The following TBXAS1 variants were observed in gnomAD, a reference collection of about 807,000 sequenced individuals.
The protein encoded by TBXAS1 is thromboxane-A synthase.
TBXAS1 carries 48 observed loss-of-function variants against 60.7 expected under a neutral mutation model. That is an observed-to-expected ratio of 0.79 (90% CI 0.63 to 1.01). The LOEUF (loss-of-function observed/expected upper bound fraction) is 1.01, where lower values mean the gene tolerates loss of function less well. Among genes scored for constraint, TBXAS1 ranks in the 50% least tolerant of loss-of-function variants. TBXAS1 has a pLI of 0.00. For synonymous variants in TBXAS1, 287 were observed against 269.7 expected (o/e 1.06, Z -0.63); for missense variants, 685 against 686.3 (o/e 1.00, Z 0.02).
At chr7:139,839,984 C>CAA (rs563726492) in intron 1 of TBXAS1, among the ~76,000 whole-genome samples, 10,940 of 109,016 alleles carry the variant, frequency 0.1, 601 homozygotes, top group Non-Finnish European at 0.13. Flanking sequence ...AACTCTGTCT[C>CAA]AAAAAAAAAA....
chr7:139,827,512 C>T (rs918549967), upstream of TBXAS1, among the ~76,000 whole-genome samples: 1 of 149,984 alleles, frequency 6.7e-6, no homozygotes, highest in Non-Finnish European at 1.5e-5. Context: ...CTCTTTGTTG[C>T]CTGTGTACTT....
At chr7:139,951,907 G>GAAAGAAAGAA (rs1334417048) in intron 5 of TBXAS1, among the ~76,000 whole-genome samples, 698 of 40,160 alleles carry the variant, frequency 0.017, 52 homozygotes, top group South Asian at 0.068. Flanking sequence ...AGGAAAGAAA[G>GAAAGAAAGAA]AGAAAGAAAG....
chr7:139,879,659 T>G (rs1407023862), intron 3 of TBXAS1, among the ~76,000 whole-genome samples: 3 of 152,154 alleles, frequency 2.0e-5, no homozygotes, highest in East Asian at 3.8e-4. Context: ...CCTGTTTGGA[T>G]AGAGATTATA....
At chr7:139,965,901 T>A (rs1810753889) in intron 9 of TBXAS1, among the ~76,000 whole-genome samples, 1 of 151,694 alleles carries the variant, frequency 6.6e-6, no homozygotes, top group Non-Finnish European at 1.5e-5. Context: ...TTTTTTTTTT[T>A]TACTATAATC....
chr7:139,946,416 G>C (rs1022806334), intron 5 of TBXAS1, among the ~76,000 whole-genome samples: 1 of 152,202 alleles, frequency 6.6e-6, no homozygotes, highest in African/African-American at 2.4e-5. Context: ...CACTATCAAA[G>C]TCCTAAGACT....
intron 3 of TBXAS1, chr7:139,906,005 G>T: frequency 4.6e-6 from 1 of 217,422 alleles, no homozygotes. Context: ...AGTCCATTTT[G>T]AGTTCATTTT....
chr7:139,947,809 C>G (rs963387784), intron 5 of TBXAS1, among the ~76,000 whole-genome samples: 1 of 152,088 alleles, frequency 6.6e-6, no homozygotes. Flanking sequence ...ACTGCAACCC[C>G]GGTCTTAGCT....
chr7:139,887,733 T>G (rs1803225535), intron 3 of TBXAS1, among the ~76,000 whole-genome samples: 1 of 152,244 alleles, frequency 6.6e-6, no homozygotes, highest in African/African-American at 2.4e-5. Context: ...TACTTGAATA[T>G]GGATGTGGAA....
At chr7:139,917,481 G>A (rs1026161614) in intron 4 of TBXAS1, among the ~76,000 whole-genome samples, 3 of 152,150 alleles carry the variant, frequency 2.0e-5, no homozygotes, top group African/African-American at 4.8e-5. Flanking sequence ...GGTGACAGTC[G>A]CAATGGGATG....
chr7:139,953,312 A>C lies in TBXAS1; in HGVS notation c.451-56A>C, dbSNP rs200794057. 4.1e-6 allele frequency: 6 copies of C among 1,462,902 alleles called. No homozygotes were observed. The Admixed American group carries it at 6.7e-5, about 16-fold the overall frequency. The allele number at this position is 1,462,902 out of a possible 1,614,324, so 90.6% of individuals were successfully genotyped here. A position where few individuals can be genotyped will look rare whatever the true frequency, so the allele number is the denominator to read the frequency against. On this transcript the variant is annotated intron_variant, in intron 5 of 12. Transcript: ENST00000448866. ...CATATAACCTCTTCATCTGCAGCCAATTTAGGTGTACTCCCGGCATGGTGC... is the reference window on the plus strand; with the variant it reads ...CATATAACCTCTTCATCTGCAGCCACTTTAGGTGTACTCCCGGCATGGTGC...
chr7:139,976,402 G>A (rs945267437), intron 9 of TBXAS1, among the ~76,000 whole-genome samples: 6 of 152,172 alleles, frequency 3.9e-5, no homozygotes, highest in African/African-American at 1.4e-4. Flanking sequence ...AGACTGGATC[G>A]GCCACCCTCA....
At chr7:139,874,698 C>A (rs1338526066) in intron 2 of TBXAS1, among the ~76,000 whole-genome samples, 12 of 152,168 alleles carry the variant, frequency 7.9e-5, no homozygotes, top group Admixed American at 7.2e-4. Flanking sequence ...CCCCCACACC[C>A]ACCCCAACTC....
At chr7:139,909,754 T>C (rs1805374476) in intron 3 of TBXAS1, among the ~76,000 whole-genome samples, 1 of 152,246 alleles carries the variant, frequency 6.6e-6, no homozygotes, top group Non-Finnish European at 1.5e-5. Flanking sequence ...TCAGTGTGAC[T>C]TTCCCCTTTA....
intron 10 of TBXAS1, among the ~76,000 whole-genome samples, chr7:140,012,267 G>C (rs1233726760): frequency 6.6e-6 from 1 of 152,206 alleles, no homozygotes; most frequent in Non-Finnish European, 1.5e-5. Flanking sequence ...CTGTGAGCCA[G>C]ATCTGTTGGA....
chr7:139,948,932 A>G (rs1384949367), intron 5 of TBXAS1, among the ~76,000 whole-genome samples: 2 of 152,266 alleles, frequency 1.3e-5, no homozygotes, highest in African/African-American at 4.8e-5. Flanking sequence ...CGGCTGTCTT[A>G]TAATATTTTC....
rs551194973 is a variant in TBXAS1 at position 139,917,310 on chromosome 7, G to A, written c.333+5989G>A. On this transcript the variant is annotated intron_variant, in intron 4 of 12. Coordinates refer to ENST00000448866, the MANE Select transcript of TBXAS1 (RefSeq NM_001061.7). Reference sequence around the variant, plus strand: ...TGTGACCTCCGTCTCCTTCTCTGCCGCAATCTTCTTCTTATAACACCCACT... The same window carrying A: ...TGTGACCTCCGTCTCCTTCTCTGCCACAATCTTCTTCTTATAACACCCACT... 9.2e-5 allele frequency among the ~76,000 whole-genome samples: 14 copies of A among 152,170 alleles called. No homozygotes were observed. In the South Asian group the frequency reaches 1.5e-3, roughly 16 times the overall value.
chr7:139,957,453 G>A lies in TBXAS1; in HGVS notation c.689-181G>A, dbSNP rs529903450. 3.8e-4 allele frequency: 274 copies of A among 714,568 alleles called. 1 individual carries two copies. Among genetic ancestry groups the A allele is most frequent in the Non-Finnish European group, 6.1e-4 (251 of 409,690 alleles). The allele number at this position is 714,568 out of a possible 1,614,324, so 44.3% of individuals were successfully genotyped here. On this transcript the variant is annotated intron_variant, in intron 7 of 12. Transcript: ENST00000448866. ...GCTTACTATGTGCCAGGAATGGTGA[G>A]GAGTACCGAGAGGGAGTGAGACATC...
intron 4 of TBXAS1, among the ~76,000 whole-genome samples, chr7:139,797,640 A>G (rs1238924590): frequency 2.0e-5 from 3 of 152,102 alleles, no homozygotes; most frequent in African/African-American, 7.2e-5. Context: ...CCCAACTCTC[A>G]CCAACTCTTT....
chr7:139,842,259 G>A (rs1227077318), intron 1 of TBXAS1, among the ~76,000 whole-genome samples: 1 of 152,180 alleles, frequency 6.6e-6, no homozygotes, highest in Non-Finnish European at 1.5e-5. Flanking sequence ...AGAGATGAAA[G>A]AAGAATCTTA....
Sources: allele counts gnomAD v4.1 joint callset (sites outside exome capture counted in the v4.1 genomes callset), GRCh38; gene constraint gnomAD v4.1.1; transcripts MANE v1.5; gene names NCBI Gene and HGNC (gene_info 2026-07-23, HGNC 2026-07-21).